Variants in PRDM10 observed in about 807,000 individuals in gnomAD.
The protein encoded by PRDM10 is PR domain zinc finger protein 10.
In PRDM10, 65 loss-of-function variants were observed where a neutral mutation model predicts 133.1. The ratio of observed to expected loss-of-function variants is 0.49; its 90% CI spans 0.40 to 0.60. The LOEUF (loss-of-function observed/expected upper bound fraction) is 0.60, where lower values mean the gene tolerates loss of function less well. Among genes scored for constraint, PRDM10 ranks in the 20% least tolerant of loss-of-function variants. The probability of loss-of-function intolerance (pLI) is 0.00; values close to 1 mark genes in which losing one functional copy is unlikely to be tolerated. For synonymous variants in PRDM10, 582 were observed against 580.4 expected (o/e 1.00, Z -0.04); for missense variants, 1,137 against 1,507.1 (o/e 0.75, Z 4.07).
Position 129,914,778 on chromosome 11 carries a change from T to C in PRDM10, c.2767A>G (p.Ile923Val), listed in dbSNP as rs764489350. The change falls in exon 17 of 21, where the codon ATC becomes GTC. Residue 923 changes from isoleucine (I) to valine (V), a missense_variant. Around this residue, in one of 6 missense-constraint regions of PRDM10, gnomAD observed 113 missense variants for 143.7 expected, o/e 0.79. Transcript: ENST00000360871. The part of the protein sequence containing the change: ...PQGDYQRIQY[I>V]PVSQSASGLQ... The stretch of plus-strand genomic sequence containing the variant: ...CCAGACGCCGACTGCGACACAGGGA[T>C]GTACTGAATTCTCTGGTAATCCCCT... 6 of 1,614,224 alleles carry C rather than the reference T, an allele frequency of 3.7e-6. No homozygotes were observed. Among genetic ancestry groups the C allele is most frequent in the Non-Finnish European group, 5.1e-6 (6 of 1,180,040 alleles).
At chr11:129,977,752 C>T (rs1274350216) in intron 1 of PRDM10, among the ~76,000 whole-genome samples, 1 of 152,092 alleles carries the variant, frequency 6.6e-6, no homozygotes, top group Non-Finnish European at 1.5e-5. Context: ...CCCAGGAGTT[C>T]GAAACCAGCC....
intron 7 of PRDM10, among the ~76,000 whole-genome samples, chr11:129,938,825 A>G (rs1430392055): frequency 6.6e-6 from 1 of 152,244 alleles, no homozygotes; most frequent in Admixed American, 6.5e-5. Context: ...GGGCTCCACA[A>G]TCTCCCCAAC....
chr11:129,913,628 C>T (rs375044886), intron 17 of PRDM10, among the ~76,000 whole-genome samples: 1 of 152,292 alleles, frequency 6.6e-6, no homozygotes, highest in East Asian at 1.9e-4. Context: ...AAAGTACAGG[C>T]CCTTTTTCTA....
In PRDM10 at chr11:129,940,710, C is replaced by CT. The variant is rs556091624; in HGVS notation, c.966+1715dup. Among the ~76,000 whole-genome samples the CT allele has an allele frequency of 4.4e-3, 665 of 152,222 alleles. 9 individuals are homozygous for CT. Among genetic ancestry groups the CT allele is most frequent in the African/African-American group, 0.015 (632 of 41,548 alleles). The stretch of plus-strand genomic sequence containing the variant: ...GCATTTGCTATTTTCTGTTTTAAAA[C>CT]TTTTTTTTACTATTTGTTTCCTCCT... On this transcript the variant is annotated intron_variant, in intron 7 of 20. Transcript: ENST00000360871.
At chr11:129,997,095 C>T (rs569951309) in intron 1 of PRDM10, among the ~76,000 whole-genome samples, 4 of 152,168 alleles carry the variant, frequency 2.6e-5, no homozygotes, top group Non-Finnish European at 4.4e-5. Context: ...ATAAAGGCAG[C>T]TTAGGGCAAA....
intron 1 of PRDM10, among the ~76,000 whole-genome samples, chr11:129,994,603 T>A (rs1378488768): frequency 6.6e-6 from 1 of 151,988 alleles, no homozygotes; most frequent in Non-Finnish European, 1.5e-5. Flanking sequence ...TGAGACACTG[T>A]CTCTAAAAAA....
chr11:129,991,280 T>C (rs575837954), intron 1 of PRDM10, among the ~76,000 whole-genome samples: 1 of 152,358 alleles, frequency 6.6e-6, no homozygotes, highest in African/African-American at 2.4e-5. Context: ...TATTAAACAA[T>C]TGTTTTGGGA....
Position 129,942,576 on chromosome 11 carries a change from C to T in PRDM10, c.816G>A (p.Trp272Ter). Residue 272 changes from tryptophan to a stop codon, truncating the protein, a stop_gained, in exon 7 of 21, where the codon TGG becomes TGA. Coordinates refer to ENST00000360871, the MANE Select transcript of PRDM10 (RefSeq NM_199437.2). LOFTEE classifies it high-confidence loss of function. The stretch of plus-strand genomic sequence containing the variant: ...AAAGCGTCTCATCAGACAACTCAAA[C>T]CATAGGTCTTCATGTAAATCCCTTT... The part of the protein sequence containing the change: ...RKERDLHEDL[W>*]FELSDETLCN... The T allele has an allele frequency of 6.2e-7, 1 of 1,614,090 alleles. No homozygotes were observed.
In PRDM10 at chr11:129,929,371, G is replaced by A. The variant is rs548775482; in HGVS notation, c.1530+1645C>T. On this transcript the variant is annotated intron_variant, in intron 11 of 20. Transcript: ENST00000360871. ...AAAGAACAGCAGGTCAGGCAAACAA[G>A]TAACATTCTGTTATGTGAAACACAG... 7.1e-6 allele frequency: 11 copies of A among 1,555,034 alleles called. No homozygotes were observed. In the East Asian group the frequency reaches 2.6e-4, roughly 37 times the overall value.
intron 1 of PRDM10, among the ~76,000 whole-genome samples, chr11:129,968,505 G>C (rs1368560803): frequency 6.6e-6 from 1 of 152,068 alleles, no homozygotes; most frequent in Non-Finnish European, 1.5e-5. Context: ...AGACAGACGG[G>C]GACCAGGTTC....
intron 1 of PRDM10, among the ~76,000 whole-genome samples, chr11:129,968,122 A>C (rs531851573): frequency 6.6e-6 from 1 of 152,330 alleles, no homozygotes; most frequent in East Asian, 1.9e-4. Context: ...AATTTCACTT[A>C]AAATGTTGTG....
intron 9 of PRDM10, among the ~76,000 whole-genome samples, chr11:129,932,979 G>T (rs1950918058): frequency 6.6e-6 from 1 of 152,046 alleles, no homozygotes; most frequent in Non-Finnish European, 1.5e-5. Flanking sequence ...TGTTGCCTGG[G>T]CTGGTCTGGA....
In PRDM10 at chr11:129,924,965, A is replaced by C; in HGVS notation, c.1795T>G (p.Leu599Val). ...CPESFDRLDL[L>V]KDHVAIHIND... ...ATATGAATGGCCACATGATCTTTCA[A>C]CAAATCAAGGCGGTCAAAGGATTCT... The change falls in exon 12 of 21, where the codon TTG (leucine) becomes GTG (valine). Residue 599 changes from leucine (L) to valine (V), a missense_variant. Around this residue, in one of 6 missense-constraint regions of PRDM10, gnomAD observed 635 missense variants for 835.2 expected, o/e 0.76. Transcript: ENST00000360871. The C allele has an allele frequency of 1.2e-6, 2 of 1,614,218 alleles. No homozygotes were observed. Among genetic ancestry groups the C allele is most frequent in the Non-Finnish European group, 1.7e-6 (2 of 1,180,036 alleles).
At chr11:129,962,921 G>A (rs867363412) in intron 1 of PRDM10, among the ~76,000 whole-genome samples, 3 of 152,126 alleles carry the variant, frequency 2.0e-5, no homozygotes, top group African/African-American at 4.8e-5. Flanking sequence ...GGACAAGGAC[G>A]ACATATCACT....
At chr11:129,962,492 C>G (rs1951815586) in intron 1 of PRDM10, among the ~76,000 whole-genome samples, 1 of 152,214 alleles carries the variant, frequency 6.6e-6, no homozygotes, top group Non-Finnish European at 1.5e-5. Flanking sequence ...CCTGCATGCG[C>G]CCTACTCTTC....
intron 20 of PRDM10, 52 bp downstream of exon 20, chr11:129,905,586 A>C (rs1224624718): frequency 7.6e-7 from 1 of 1,320,036 alleles, no homozygotes; most frequent in African/African-American, 1.5e-5. Context: ...AAGAGTTACT[A>C]TACAGCACCA....
intron 2 of PRDM10, among the ~76,000 whole-genome samples, chr11:129,958,526 C>A (rs760062879): frequency 3.7e-4 from 57 of 152,108 alleles, no homozygotes; most frequent in Non-Finnish European, 6.9e-4. Context: ...CGCCTGTAAT[C>A]CCAGCTACTC....
At chr11:129,968,983 G>A (rs777170266) in intron 1 of PRDM10, among the ~76,000 whole-genome samples, 15 of 152,128 alleles carry the variant, frequency 9.9e-5, no homozygotes, top group Non-Finnish European at 2.1e-4. Context: ...AAAAAGGCTG[G>A]GTAGGGTGTA....
Position 129,910,590 on chromosome 11 carries a change from G to C in PRDM10, c.3049C>G (p.Gln1017Glu). 7 of 1,613,936 alleles carry C rather than the reference G, an allele frequency of 4.3e-6. No homozygotes were observed. The highest frequency in any genetic ancestry group is 5.9e-6 in the Non-Finnish European group (7 of 1,179,898). The change falls in exon 19 of 21, where the codon CAG becomes GAG. Residue 1017 changes from glutamine to glutamate, a missense_variant. Physicochemically the swap from Gln to Glu is conservative, Grantham distance 29. This residue lies in a region of PRDM10 where 243 missense variants were observed against 259.2 expected (regional missense o/e 0.94). Transcript: ENST00000360871. ...AQQGLSPSHIQGSSSTQGQAL... is the reference protein window; with the variant it reads ...AQQGLSPSHIEGSSSTQGQAL... The stretch of plus-strand genomic sequence containing the variant: ...TGCCCCTGTGTGGAAGAACTGCCCT[G>C]GATGTGGGAGGGGCTGAGCCCCTGC...
Sources: gnomAD v4.1 joint callset for allele counts (sites outside exome capture counted in the v4.1 genomes callset) on GRCh38, gnomAD v4.1.1 for gene constraint, gnomAD v4.1.1 regional missense constraint, MANE v1.5 for transcripts, NCBI Gene and HGNC (gene_info 2026-07-23, HGNC 2026-07-21) for gene names.